CHMP5: variants seen among roughly 807,000 people sequenced by gnomAD.
CHMP5 encodes charged multivesicular body protein 5, also known as SNF7 domain containing 2.
CHMP5 carries 17 observed loss-of-function variants against 33.0 expected under a neutral mutation model. The observed-to-expected ratio is 0.52, with a 90% confidence interval of 0.35 to 0.77. CHMP5 has a LOEUF of 0.77. Among genes scored for constraint, CHMP5 ranks in the 30% least tolerant of loss-of-function variants. The pLI, the probability that CHMP5 is intolerant of heterozygous loss-of-function variation, is 0.01. For missense variants in CHMP5, 216 were observed against 261.5 expected, an observed-to-expected ratio of 0.83 and a Z score of 1.20; for synonymous variants, 76 against 90.2, an observed-to-expected ratio of 0.84 and a Z score of 0.89.
At chr9:33,277,467 A>C (rs1016915305) in intron 6 of CHMP5, among the ~76,000 whole-genome samples, 1 of 152,192 alleles carries the variant, frequency 6.6e-6, no homozygotes, top group Non-Finnish European at 1.5e-5. Flanking sequence ...TGGGACCTGA[A>C]GGGTGAGTAG....
intron 2 of CHMP5, among the ~76,000 whole-genome samples, chr9:33,267,234 C>A (rs1410306256): frequency 6.6e-6 from 1 of 152,104 alleles, no homozygotes; most frequent in Non-Finnish European, 1.5e-5. Context: ...TCCCAGCCAT[C>A]TTAGTGGATG....
chr9:33,273,424 GT>G (rs1820818268), intron 5 of CHMP5, among the ~76,000 whole-genome samples: 1 of 152,070 alleles, frequency 6.6e-6, no homozygotes, highest in Non-Finnish European at 1.5e-5. Context: ...ATGTCTCTTC[GT>G]CTTTCACCTG....
chr9:33,270,594 A>G, intron 3 of CHMP5, 29 bp from the exon 4 acceptor site: 2 of 1,521,932 alleles, frequency 1.3e-6, no homozygotes, highest in Non-Finnish European at 1.8e-6. Context: ...TGGTTCATAT[A>G]TTTGCCATTC....
chr9:33,270,018 A>G (rs1820774803), intron 3 of CHMP5, among the ~76,000 whole-genome samples: 1 of 152,322 alleles, frequency 6.6e-6, no homozygotes, highest in African/African-American at 2.4e-5. Flanking sequence ...CAAATGCTAT[A>G]ATGTTAAGTG....
intron 7 of CHMP5, among the ~76,000 whole-genome samples, chr9:33,280,318 C>T (rs1820906842): frequency 6.6e-6 from 1 of 152,164 alleles, no homozygotes; most frequent in African/African-American, 2.4e-5. Context: ...AATGGCTACT[C>T]CATAGGCAGA....
intron 1 of CHMP5, 44 bp from the exon 2 acceptor site, chr9:33,265,966 G>C (rs1032714906): frequency 3.2e-6 from 4 of 1,248,668 alleles, no homozygotes; most frequent in African/African-American, 1.5e-5. Flanking sequence ...TCTGGAATAA[G>C]TGTATTGCAG....
In CHMP5 at chr9:33,281,792, A is replaced by T. The variant is rs1402994499; in HGVS notation, c.*933A>T. ...GTGAGGAATAATTGAGGTAATGGTC[A>T]TAAGTACCTTGTTAACTGCAAGGGG... On this transcript the variant is annotated 3_prime_UTR_variant, in exon 8 of 8. Coordinates refer to ENST00000223500, the MANE Select transcript of CHMP5 (RefSeq NM_016410.6). 1 of 152,266 alleles carries T rather than the reference A, an allele frequency of 6.6e-6. No homozygotes were observed. The highest frequency in any genetic ancestry group is 1.5e-5 in the Non-Finnish European group (1 of 68,044). The allele number at this position is 152,266 out of a possible 1,614,324, so 9.4% of individuals were successfully genotyped here.
chr9:33,271,892 G>A (rs60722204), intron 5 of CHMP5, among the ~76,000 whole-genome samples: 4 of 152,132 alleles, frequency 2.6e-5, no homozygotes, highest in East Asian at 1.9e-4. Flanking sequence ...CTGTTTCTTC[G>A]ATGGTAGTGG....
intron 5 of CHMP5, among the ~76,000 whole-genome samples, chr9:33,273,177 G>A (rs1820815304): frequency 6.6e-6 from 1 of 152,058 alleles, no homozygotes; most frequent in African/African-American, 2.4e-5. Context: ...TCGCCATGTT[G>A]GCCAGGCTAG....
intron 6 of CHMP5, among the ~76,000 whole-genome samples, chr9:33,276,777 C>T (rs1820859914): frequency 6.6e-6 from 1 of 152,178 alleles, no homozygotes; most frequent in Non-Finnish European, 1.5e-5. Flanking sequence ...GAAGGAAGTC[C>T]AGGTACAGGC....
At chr9:33,280,097 C>T (rs1165480440) in intron 7 of CHMP5, among the ~76,000 whole-genome samples, 1 of 152,026 alleles carries the variant, frequency 6.6e-6, no homozygotes, top group African/African-American at 2.4e-5. Flanking sequence ...CCACCTCAGC[C>T]TCCCAAGTAG....
chr9:33,266,874 C>A (rs1820733813), intron 2 of CHMP5, among the ~76,000 whole-genome samples: 1 of 152,198 alleles, frequency 6.6e-6, no homozygotes, highest in Non-Finnish European at 1.5e-5. Flanking sequence ...GATAAAGTCA[C>A]TTATTTTCCA....
chr9:33,278,287 A>G, intron 7 of CHMP5, 62 bp downstream of exon 7: 1 of 976,906 alleles, frequency 1.0e-6, no homozygotes. Context: ...CTTGACCATA[A>G]GTCTGGGAAT....
In CHMP5 at chr9:33,266,910, A is replaced by G. The variant is rs976085011; in HGVS notation, c.174+796A>G. On this transcript the variant is annotated intron_variant, in intron 2 of 7. Coordinates refer to ENST00000223500, the MANE Select transcript of CHMP5 (RefSeq NM_016410.6). ...CTCCTGTTAGGTAGAAACATAAAAT[A>G]CTGTGTTTAAGCACATGGACTGTGG... Among the ~76,000 whole-genome samples the G allele has an allele frequency of 2.0e-5, 3 of 152,218 alleles. No homozygotes were observed. In the East Asian group the frequency reaches 5.8e-4, roughly 29 times the overall value.
At chr9:33,265,177 C>G in intron 1 of CHMP5, 30 bp downstream of exon 1, 8 of 1,611,072 alleles carry the variant, frequency 5.0e-6, no homozygotes, top group Non-Finnish European at 6.8e-6. Context: ...TAAGTAGGCT[C>G]AGGACCTCTG....
chr9:33,268,802 G>A (rs1047006862), intron 3 of CHMP5, among the ~76,000 whole-genome samples: 4 of 152,134 alleles, frequency 2.6e-5, no homozygotes, highest in African/African-American at 9.7e-5. Context: ...CTTACTACTA[G>A]AAATAACCAC....
At chr9:33,274,339 G>A (rs1412189556) in intron 5 of CHMP5, among the ~76,000 whole-genome samples, 4 of 152,146 alleles carry the variant, frequency 2.6e-5, no homozygotes, top group Non-Finnish European at 5.9e-5. Context: ...CTCCCAGAGT[G>A]CTTGGATTAC....
At chr9:33,275,901 T>A (rs1820848779) in intron 5 of CHMP5, among the ~76,000 whole-genome samples, 1 of 152,050 alleles carries the variant, frequency 6.6e-6, no homozygotes, top group Non-Finnish European at 1.5e-5. Flanking sequence ...TGTCAGCTAT[T>A]TGGAGGCTGA....
At position 33,280,839 on chromosome 9, in the gene CHMP5, C is replaced by G. The variant is rs765351520; in HGVS notation, c.640C>G (p.Pro214Ala). ...AGTTCTGGTGGATGAATTTGGATTG[C>G]CACAGATCCCTGCTTCATAGATTTG... ...DGVLVDEFGLPQIPAS is the reference protein window; with the variant it reads ...DGVLVDEFGLAQIPAS The change falls in exon 8 of 8, where the codon CCA (proline) becomes GCA (alanine). Residue 214 changes from proline to alanine, a missense_variant. Coordinates refer to ENST00000223500, the MANE Select transcript of CHMP5 (RefSeq NM_016410.6). 4 of 1,611,780 alleles carry G rather than the reference C, an allele frequency of 2.5e-6. No homozygotes were observed.
Sources: allele counts gnomAD v4.1 joint callset (sites outside exome capture counted in the v4.1 genomes callset), GRCh38; gene constraint gnomAD v4.1.1; transcripts MANE v1.5; gene names NCBI Gene and HGNC (gene_info 2026-07-23, HGNC 2026-07-21).